The following DNAH9 variants were observed in gnomAD, a reference collection of about 807,000 sequenced individuals.
The protein encoded by DNAH9 is DNAH9 variant protein.
A neutral mutation model predicts 471.6 loss-of-function variants in DNAH9; 345 were observed. The ratio of observed to expected loss-of-function variants is 0.73; its 90% confidence interval spans 0.67 to 0.80. The LOEUF (loss-of-function observed/expected upper bound fraction) is 0.80. DNAH9 is among the 30% of genes least tolerant of loss of function. The probability of loss-of-function intolerance (pLI) is 0.00; values close to 1 mark genes in which losing one functional copy is unlikely to be tolerated. For synonymous variants in DNAH9, 2,093 were observed against 2,123.6 expected, an observed-to-expected ratio of 0.99 and a Z score of 0.40; for missense variants, 5,407 against 5,609.2, an observed-to-expected ratio of 0.96 and a Z score of 1.15.
intron 48 of DNAH9, among the ~76,000 whole-genome samples, chr17:11,834,182 A>G (rs1413465617): frequency 6.6e-6 from 1 of 152,002 alleles, no homozygotes; most frequent in Non-Finnish European, 1.5e-5. Flanking sequence ...TACAAACATT[A>G]GCTGGGCTTG....
At chr17:11,913,244 C>G (rs1229397670) in intron 61 of DNAH9, among the ~76,000 whole-genome samples, 1 of 152,146 alleles carries the variant, frequency 6.6e-6, no homozygotes, top group Non-Finnish European at 1.5e-5. Context: ...ATGAAGCCAT[C>G]TGGGCCTGAG....
intron 38 of DNAH9, among the ~76,000 whole-genome samples, chr17:11,771,463 C>A (rs1968202023): frequency 6.6e-6 from 1 of 152,182 alleles, no homozygotes; most frequent in African/African-American, 2.4e-5. Context: ...TGTTTAACAA[C>A]CAGCTTGCAC....
chr17:11,731,095 G>A (rs967598456), intron 28 of DNAH9, among the ~76,000 whole-genome samples: 1 of 90,548 alleles, frequency 1.1e-5, no homozygotes, highest in Non-Finnish European at 2.4e-5. Context: ...GATGGTGGGG[G>A]TGATGGTGGT....
rs1438352478 is a variant in DNAH9, at chr17:11,962,341, A to G, written c.13233+85A>G. The G allele has an allele frequency of 6.7e-7, 1 of 1,484,026 alleles. No individual in the cohort carries two copies. Among genetic ancestry groups the G allele is most frequent in the Non-Finnish European group, 8.9e-7 (1 of 1,122,976 alleles). 91.9% of individuals were successfully genotyped at this position (1,484,026 alleles called of 1,614,324 possible). On this transcript the variant is annotated intron_variant, in intron 68 of 68. Coordinates refer to ENST00000262442, the MANE Select transcript of DNAH9 (RefSeq NM_001372.4). The surrounding 1 kb of genome is among the most constrained non-coding windows in gnomAD (Gnocchi z 4.1). ...TCCTATGAAGTGTGACTACTAAAAG[A>G]GATATTCCTGAATCTTTTTCTCTAG...
At chr17:11,756,286 A>G (rs1219978016) in intron 33 of DNAH9, among the ~76,000 whole-genome samples, 1 of 151,852 alleles carries the variant, frequency 6.6e-6, no homozygotes, top group Non-Finnish European at 1.5e-5. Context: ...AAAAAAAAAA[A>G]AAAAAAATCA....
At chr17:11,943,449 C>T (rs995016032) in intron 67 of DNAH9, among the ~76,000 whole-genome samples, 4 of 152,104 alleles carry the variant, frequency 2.6e-5, no homozygotes, top group Middle Eastern at 3.4e-3. Context: ...GAGCCCAAGG[C>T]GGGCGGATCA....
At chr17:11,658,435 T>C (rs4792160) in intron 14 of DNAH9, among the ~76,000 whole-genome samples, 86,417 of 152,052 alleles carry the variant, frequency 0.57, 25,470 homozygotes, top group Admixed American at 0.69. Flanking sequence ...ATGATCTATG[T>C]AAATAAGTCA....
intron 20 of DNAH9, among the ~76,000 whole-genome samples, chr17:11,691,350 A>C (rs1042070443): frequency 6.6e-6 from 1 of 152,216 alleles, no homozygotes; most frequent in Admixed American, 6.5e-5. Context: ...GGCTTAATTA[A>C]AAGGGGGCCG....
intron 49 of DNAH9, among the ~76,000 whole-genome samples, chr17:11,839,593 C>T (rs1970962683): frequency 6.6e-6 from 1 of 151,934 alleles, no homozygotes; most frequent in Non-Finnish European, 1.5e-5. Context: ...CTTTCCGCTT[C>T]AGCCCCTGAC....
chr17:11,952,484 G>T (rs1975421363), intron 67 of DNAH9, among the ~76,000 whole-genome samples: 1 of 141,880 alleles, frequency 7.0e-6, no homozygotes, highest in African/African-American at 2.5e-5. Context: ...TATAATTTTA[G>T]TTCACTTGCA....
chr17:11,956,701 C>T (rs1390680005), intron 67 of DNAH9, among the ~76,000 whole-genome samples: 1 of 151,680 alleles, frequency 6.6e-6, no homozygotes, highest in East Asian at 1.9e-4. Context: ...AATTAAATAG[C>T]ATATTTCTAA....
chr17:11,881,352 T>C lies in DNAH9; in HGVS notation c.10745T>C (p.Leu3582Pro), dbSNP rs1203726308. Residue 3582 changes from leucine to proline, a missense_variant, in exon 55 of 69, where the codon CTG (leucine) becomes CCG (proline). Around this residue, in one of 3 missense-constraint regions of DNAH9, gnomAD observed 4,636 missense variants for 4,900.3 expected, o/e 0.95. Transcript: ENST00000262442. ...AACTTCACCGTGACCAGGGATGGCC[T>C]GGAGGACCAGTTGCTGGCCGCTGTG... ...LINFTVTRDGLEDQLLAAVVS... is the reference protein window; with the variant it reads ...LINFTVTRDGPEDQLLAAVVS... The C allele has an allele frequency of 6.2e-7, 1 of 1,614,108 alleles. No homozygotes were observed. Among genetic ancestry groups the C allele is most frequent in the African/African-American group, 1.3e-5 (1 of 75,048 alleles).
At chr17:11,961,778 G>C (rs1307801108) in intron 67 of DNAH9, 89 bp from the exon 68 acceptor site, 3 of 1,437,596 alleles carry the variant, frequency 2.1e-6, no homozygotes, top group East Asian at 4.6e-5. Flanking sequence ...TGTCTGCCTG[G>C]GTGCCATGAG....
At chr17:11,828,961 G>T (rs1014199439) in intron 48 of DNAH9, among the ~76,000 whole-genome samples, 1 of 152,114 alleles carries the variant, frequency 6.6e-6, no homozygotes, top group African/African-American at 2.4e-5. Context: ...CTACAAATGG[G>T]TGAATAAATG....
At chr17:11,620,108 G>A (rs887636477) in intron 6 of DNAH9, among the ~76,000 whole-genome samples, 8 of 152,052 alleles carry the variant, frequency 5.3e-5, no homozygotes, top group Non-Finnish European at 1.0e-4. Flanking sequence ...CCAGCTACTC[G>A]GGAGGCTGAG....
chr17:11,714,011 T>C (rs1307342084), intron 26 of DNAH9, among the ~76,000 whole-genome samples: 1 of 152,210 alleles, frequency 6.6e-6, no homozygotes, highest in Non-Finnish European at 1.5e-5. Context: ...AGATGAGCAC[T>C]GGATGATGAA....
At chr17:11,696,461 C>T (rs115635097) in intron 22 of DNAH9, among the ~76,000 whole-genome samples, 1,575 of 152,210 alleles carry the variant, frequency 0.01, 27 homozygotes, top group African/African-American at 0.035. Flanking sequence ...TCCAGGTAAA[C>T]TCCTAAAAGT....
chr17:11,814,310 T>C (rs774701896), intron 45 of DNAH9, among the ~76,000 whole-genome samples: 1 of 152,164 alleles, frequency 6.6e-6, no homozygotes, highest in Non-Finnish European at 1.5e-5. Flanking sequence ...AGAAGGCCCA[T>C]TTTACTCTGG....
chr17:11,688,913 T>C (rs1465117445), intron 19 of DNAH9, among the ~76,000 whole-genome samples: 6 of 151,960 alleles, frequency 3.9e-5, no homozygotes, highest in Non-Finnish European at 8.8e-5. Context: ...CTGGCCGACA[T>C]GGTGAAACCC....
Sources: allele counts gnomAD v4.1 joint callset (sites outside exome capture counted in the v4.1 genomes callset), GRCh38; gene constraint gnomAD v4.1.1; regional missense constraint gnomAD v4.1.1; non-coding constraint Gnocchi (gnomAD v3.1); transcripts MANE v1.5; gene names NCBI Gene and HGNC (gene_info 2026-07-23, HGNC 2026-07-21).